TENM2: variants seen among roughly 807,000 people sequenced by gnomAD.
The protein encoded by TENM2 is teneurin-2.
Under a neutral mutation model 245.2 loss-of-function variants are expected in TENM2, and 52 were observed. The observed-to-expected ratio is 0.21, with a 90% confidence interval of 0.17 to 0.27. TENM2 has a LOEUF of 0.27. Ranked by LOEUF, TENM2 falls within the 10% of genes least tolerant of loss-of-function variation. TENM2 has a pLI of 1.00. For missense variants in TENM2, 3,046 were observed against 3,666.8 expected, an observed-to-expected ratio of 0.83 and a Z score of 4.37; for synonymous variants, 1,363 against 1,438.9, an observed-to-expected ratio of 0.95 and a Z score of 1.19.
chr5:167,678,719 A>G (rs1756504330), intron 2 of TENM2, among the ~76,000 whole-genome samples: 1 of 152,122 alleles, frequency 6.6e-6, no homozygotes, highest in Non-Finnish European at 1.5e-5. Context: ...ATCAGGCCAG[A>G]ATAGCAGCAG....
the TENM2 span, among the ~76,000 whole-genome samples, chr5:167,015,012 T>G: frequency 7.2e-5 from 11 of 152,224 alleles, 1 homozygote; most frequent in East Asian, 1.9e-3. Context: ...TGCAAACCTG[T>G]TCTCTAGCTC....
chr5:167,010,917 T>G, the TENM2 span, among the ~76,000 whole-genome samples: 1 of 151,974 alleles, frequency 6.6e-6, no homozygotes, highest in African/African-American at 2.4e-5. Flanking sequence ...CAGTACTTTA[T>G]AAATATTACA....
In TENM2 at chr5:167,865,682, A is replaced by G. The variant is rs144816026; in HGVS notation, c.503-10304A>G. Among the ~76,000 whole-genome samples the G allele has an allele frequency of 5.3e-5, 8 of 152,320 alleles. No individual in the cohort carries two copies. The East Asian group carries it at 7.7e-4, about 15-fold the overall frequency. ...TCCCTTGCTTCTCTTGGAGACTGAC[A>G]TGTTGTCACTTAATAAATCTAACAG... is the stretch of plus-strand genomic sequence containing the variant. On this transcript the variant is annotated intron_variant, in intron 2 of 28. Coordinates refer to ENST00000518659, the Ensembl canonical transcript of TENM2.
chr5:168,027,965 A>G (rs1786774980), intron 5 of TENM2, among the ~76,000 whole-genome samples: 1 of 152,214 alleles, frequency 6.6e-6, no homozygotes, highest in African/African-American at 2.4e-5. Flanking sequence ...AGAGAAAAAA[A>G]TGGCTGTGCC....
chr5:167,817,211 T>A (rs1348639899), intron 2 of TENM2, among the ~76,000 whole-genome samples: 3 of 152,182 alleles, frequency 2.0e-5, no homozygotes, highest in Admixed American at 2.0e-4. Context: ...GGATATAGTG[T>A]GCTGATATTT....
At chr5:167,024,154 A>T in the TENM2 span, among the ~76,000 whole-genome samples, 1 of 152,186 alleles carries the variant, frequency 6.6e-6, no homozygotes, top group African/African-American at 2.4e-5. Context: ...AAGAATAGAG[A>T]TTTACCAAAA....
intron 2 of TENM2, among the ~76,000 whole-genome samples, chr5:167,681,581 T>C (rs928789952): frequency 6.6e-6 from 1 of 151,944 alleles, no homozygotes; most frequent in South Asian, 2.1e-4. Flanking sequence ...TGTGTGTGTA[T>C]GTATATGTGT....
the TENM2 span, among the ~76,000 whole-genome samples, chr5:167,194,404 AC>A: frequency 6.6e-6 from 1 of 152,064 alleles, no homozygotes; most frequent in Non-Finnish European, 1.5e-5. Flanking sequence ...ACTAATGAAC[AC>A]ATGAGCCAGT....
the TENM2 span, among the ~76,000 whole-genome samples, chr5:167,272,654 G>C: frequency 6.6e-6 from 1 of 152,018 alleles, no homozygotes; most frequent in Non-Finnish European, 1.5e-5. Flanking sequence ...TAATTTTTAA[G>C]TGGGGAAGAA....
At chr5:168,062,190 G>A (rs370566394) in exon 7 of TENM2, 5 of 1,613,584 alleles carry the variant, frequency 3.1e-6, no homozygotes, top group Non-Finnish European at 4.2e-6. Flanking sequence ...AGTTCTTAAA[G>A]TTCAACATCT....
the TENM2 span, among the ~76,000 whole-genome samples, chr5:167,247,688 T>C: frequency 3.3e-5 from 5 of 152,202 alleles, no homozygotes; most frequent in African/African-American, 1.2e-4. Flanking sequence ...AATCATTTCT[T>C]TCTACATTGT....
intron 5 of TENM2, among the ~76,000 whole-genome samples, chr5:168,019,457 A>T (rs1429078692): frequency 6.6e-6 from 1 of 152,148 alleles, no homozygotes; most frequent in Non-Finnish European, 1.5e-5. Flanking sequence ...GGCAGAGAGG[A>T]GAGGAGACAT....
chr5:167,032,797 G>A, the TENM2 span, among the ~76,000 whole-genome samples: 1 of 152,104 alleles, frequency 6.6e-6, no homozygotes, highest in Non-Finnish European at 1.5e-5. Flanking sequence ...TTTAGAAAAT[G>A]TGGGGGTATT....
intron 2 of TENM2, among the ~76,000 whole-genome samples, chr5:167,531,177 CT>C (rs1771474987): frequency 6.6e-6 from 1 of 152,146 alleles, no homozygotes. Context: ...CCTTATACCT[CT>C]CAGATTCTGC....
At chr5:167,103,281 A>G in the TENM2 span, among the ~76,000 whole-genome samples, 11 of 152,214 alleles carry the variant, frequency 7.2e-5, no homozygotes, top group Admixed American at 6.5e-4. Flanking sequence ...GAGCATAGAT[A>G]TCTCTTAGTA....
chr5:168,263,466 A>G (rs940549851), downstream of TENM2: 2 of 152,576 alleles, frequency 1.3e-5, no homozygotes, highest in Non-Finnish European at 2.9e-5. Context: ...AGGAGTGAGC[A>G]CTGGAAATAC....
Position 167,587,001 on chromosome 5 carries a change from G to A in TENM2, c.502+211528G>A, listed in dbSNP as rs1484490627. 2.0e-5 allele frequency among the ~76,000 whole-genome samples: 3 copies of A among 152,162 alleles called. No individual in the cohort carries two copies. In the East Asian group the frequency reaches 5.8e-4, roughly 29 times the overall value. On this transcript the variant is annotated intron_variant, in intron 2 of 28. Coordinates refer to ENST00000518659, the Ensembl canonical transcript of TENM2. ...ATCTTCAGTCTGAGCTTATTACAGT[G>A]TAAAATATGGATTGCCTTTACCCTA...
the TENM2 span, among the ~76,000 whole-genome samples, chr5:167,054,998 A>C: frequency 6.6e-6 from 1 of 152,026 alleles, no homozygotes. Context: ...TTTTCTTGAC[A>C]TTGACTTCTG....
chr5:167,995,277 A>T (rs1317409939), intron 5 of TENM2, among the ~76,000 whole-genome samples: 1 of 152,180 alleles, frequency 6.6e-6, no homozygotes, highest in African/African-American at 2.4e-5. Flanking sequence ...TGAGAGTTTA[A>T]TGTTTTAATC....
Sources: allele counts gnomAD v4.1 joint callset (sites outside exome capture counted in the v4.1 genomes callset), GRCh38; gene constraint gnomAD v4.1.1; transcripts MANE v1.5; gene names NCBI Gene and HGNC (gene_info 2026-07-23, HGNC 2026-07-21).